Variants in PLEKHG4B observed in about 807,000 individuals in gnomAD.
PLEKHG4B encodes pleckstrin homology and RhoGEF domain containing G4B, also known as pleckstrin homology domain-containing family G member 4B.
In PLEKHG4B, 111 loss-of-function variants were observed where a neutral mutation model predicts 121.3. The observed-to-expected ratio is 0.92, with a 90% CI of 0.78 to 1.07. PLEKHG4B has a LOEUF of 1.07. PLEKHG4B is among the 50% of genes least tolerant of loss of function. The probability of loss-of-function intolerance (pLI) is 0.00; values close to 1 mark genes in which losing one functional copy is unlikely to be tolerated. For missense variants in PLEKHG4B, 1,831 were observed against 1,757.8 expected (o/e 1.04, Z -0.74); for synonymous variants, 738 against 725.0 (o/e 1.02, Z -0.29).
At chr5:130,061 A>AAGAGAGAGAGAGAGAGAGAGAG (rs754535739) in intron 2 of PLEKHG4B, among the ~76,000 whole-genome samples, 3 of 150,354 alleles carry the variant, frequency 2.0e-5, no homozygotes, top group African/African-American at 7.4e-5. Context: ...AGTGAATATG[A>AAGAGAGAGAGAGAGAGAGAGAG]AGAGAGAGTG....
At chr5:96,388 A>C (rs1336444376) in intron 1 of PLEKHG4B, among the ~76,000 whole-genome samples, 1 of 152,260 alleles carries the variant, frequency 6.6e-6, no homozygotes, top group Non-Finnish European at 1.5e-5. Context: ...TCTTAGGGAA[A>C]AATATTCAAT....
chr5:171,115 G>A lies in PLEKHG4B; in HGVS notation c.3802G>A (p.Gly1268Ser), dbSNP rs1736531116. 6.2e-7 allele frequency: 1 copy of A among 1,613,180 alleles called. No individual in the cohort carries two copies. The highest frequency in any genetic ancestry group is 1.7e-5 in the Admixed American group (1 of 59,968). Residue 1268 changes from glycine to serine, a missense_variant, in exon 15 of 20, where the codon GGC becomes AGC. Coordinates refer to ENST00000637938, the MANE Select transcript of PLEKHG4B (RefSeq NM_052909.5). ...GTCGGATGCCCTGCTCAGCAGCCATGGCAACGCCTTCTTCAAGGTCATCCC... is the reference window on the plus strand; with the variant it reads ...GTCGGATGCCCTGCTCAGCAGCCATAGCAACGCCTTCTTCAAGGTCATCCC... ...PQSDALLSSHGNAFFKDKQRE... is the reference protein window; with the variant it reads ...PQSDALLSSHSNAFFKDKQRE...
At chr5:135,235 G>C (rs911636418) in intron 2 of PLEKHG4B, among the ~76,000 whole-genome samples, 7 of 128,710 alleles carry the variant, frequency 5.4e-5, no homozygotes, top group African/African-American at 2.0e-4. Flanking sequence ...GTATTAAAAA[G>C]AATGCAATAC....
chr5:132,352 T>G (rs921500399), intron 2 of PLEKHG4B, among the ~76,000 whole-genome samples: 1 of 152,212 alleles, frequency 6.6e-6, no homozygotes, highest in Non-Finnish European at 1.5e-5. Context: ...GGGTCATCCG[T>G]TTGCTGATTA....
intron 17 of PLEKHG4B, among the ~76,000 whole-genome samples, 181 bp downstream of exon 17, chr5:173,248 A>G (rs1736631009): frequency 6.6e-6 from 1 of 152,144 alleles, no homozygotes; most frequent in Non-Finnish European, 1.5e-5. Context: ...AGCCTTCCAA[A>G]AGCTGCAAGG....
chr5:115,381 G>A (rs941152415), intron 2 of PLEKHG4B, among the ~76,000 whole-genome samples: 2 of 152,204 alleles, frequency 1.3e-5, no homozygotes, highest in Non-Finnish European at 2.9e-5. Flanking sequence ...CAAGTAGACT[G>A]AGCATGATTC....
intron 2 of PLEKHG4B, among the ~76,000 whole-genome samples, chr5:133,621 TA>T (rs1269328057): frequency 6.6e-6 from 1 of 151,218 alleles, no homozygotes; most frequent in Non-Finnish European, 1.5e-5. Flanking sequence ...AATGAAAAAA[TA>T]AAAAAATAAT....
chr5:107,330 C>T (rs1734005960), intron 1 of PLEKHG4B, among the ~76,000 whole-genome samples: 1 of 152,218 alleles, frequency 6.6e-6, no homozygotes, highest in Non-Finnish European at 1.5e-5. Context: ...CTGCTCTCCT[C>T]TGCTCTGGGC....
chr5:158,172 C>G (rs959550751), intron 11 of PLEKHG4B, among the ~76,000 whole-genome samples: 1 of 151,312 alleles, frequency 6.6e-6, no homozygotes, highest in East Asian at 1.9e-4. Flanking sequence ...CCTCCCTCTG[C>G]TCTATCCTGG....
At chr5:115,090 A>C (rs923162549) in intron 2 of PLEKHG4B, among the ~76,000 whole-genome samples, 1 of 152,244 alleles carries the variant, frequency 6.6e-6, no homozygotes. Flanking sequence ...ATAGTCTTAC[A>C]AAATGTATTT....
intron 2 of PLEKHG4B, among the ~76,000 whole-genome samples, chr5:132,946 G>T (rs1292864138): frequency 1.3e-5 from 2 of 152,138 alleles, no homozygotes; most frequent in East Asian, 3.9e-4. Context: ...GTGGTATTTT[G>T]ATGGGAATTG....
In PLEKHG4B at chr5:157,176, C is replaced by A; in HGVS notation, c.2487+265C>A. On this transcript the variant is annotated intron_variant, in intron 11 of 19. Transcript: ENST00000637938. The surrounding 1 kb of genome is among the most constrained non-coding windows in gnomAD (Gnocchi z 4.6). The stretch of plus-strand genomic sequence containing the variant: ...GGGAGAAAAATAATTTCACACTGTG[C>A]CTTCTGATGCTACCAGTGTGAATAG... 2.1e-6 allele frequency: 1 copy of A among 486,362 alleles called. No homozygotes were observed. The highest frequency in any genetic ancestry group is 2.1e-5 in the South Asian group (1 of 48,710). The allele number at this position is 486,362 out of a possible 1,614,324, so 30.1% of individuals were successfully genotyped here. A position where few individuals can be genotyped will look rare whatever the true frequency, so the allele number is the denominator to read the frequency against.
chr5:143,524 G>C, intron 5 of PLEKHG4B, 21 bp downstream of exon 5: 18 of 1,611,594 alleles, frequency 1.1e-5, no homozygotes, highest in Non-Finnish European at 1.5e-5. Context: ...GGGCAAGGCC[G>C]CACCCTGCAG....
chr5:92,654 G>A (rs1459036872), intron 1 of PLEKHG4B, among the ~76,000 whole-genome samples: 2 of 151,610 alleles, frequency 1.3e-5, no homozygotes, highest in Non-Finnish European at 2.9e-5. Flanking sequence ...CCTTTTCCTT[G>A]TAACCTCGTG....
Position 182,050 on chromosome 5 carries a change from C to T in PLEKHG4B, c.4611C>T (p.Ala1537=), listed in dbSNP as rs777828630. The T allele has an allele frequency of 2.7e-5, 43 of 1,614,046 alleles. No individual in the cohort carries two copies. The highest frequency in any genetic ancestry group is 2.1e-4 in the African/African-American group (16 of 74,932). The part of the protein sequence containing the change: ...GSTAVSSSDH[A]APFKRPHSTI... ...CAGCGGTGTCCTCCTCTGACCACGCCGCCCCCTTCAAGCGACCACACTCCA... is the reference window on the plus strand; with the variant it reads ...CAGCGGTGTCCTCCTCTGACCACGCTGCCCCCTTCAAGCGACCACACTCCA... Residue 1537 remains alanine (A), a synonymous_variant, in exon 20 of 20, where the codon GCC becomes GCT. Transcript: ENST00000637938.
rs372964740 is a variant in PLEKHG4B, at chr5:163,256, G to C, written c.3184G>C (p.Glu1062Gln). ...GGAGGACAGCTCTGCCTGTTCCTCT[G>C]AGCCCACCCAGACCCTGGCCAGCCG... is the stretch of plus-strand genomic sequence containing the variant. The part of the protein sequence containing the change: ...HLEDSSACSS[E>Q]PTQTLASRPR... Residue 1062 changes from glutamate (E) to glutamine (Q), a missense_variant, in exon 13 of 20, where the codon GAG becomes CAG. Physicochemically the swap from Glu to Gln is conservative, Grantham distance 29. Transcript: ENST00000637938. 1.9e-6 allele frequency: 3 copies of C among 1,611,946 alleles called. No individual in the cohort carries two copies. The Admixed American group carries it at 5.0e-5, about 27-fold the overall frequency.
chr5:158,770 C>A (rs1283462084), intron 11 of PLEKHG4B, among the ~76,000 whole-genome samples: 1 of 147,780 alleles, frequency 6.8e-6, no homozygotes, highest in African/African-American at 2.7e-5. Flanking sequence ...CTCCCCTCCT[C>A]CCTCTGCTCT....
chr5:146,143 GTCCTCCC>G (rs1250813687), intron 6 of PLEKHG4B, among the ~76,000 whole-genome samples: 1 of 137,716 alleles, frequency 7.3e-6, no homozygotes, highest in African/African-American at 2.8e-5. Context: ...CCAACCTGTG[GTCCTCCC>G]TCCTCTCCCC....
chr5:174,086 CT>C lies in PLEKHG4B; in HGVS notation c.4391del (p.Leu1464GlnfsTer16). 6.5e-7 allele frequency: 1 copy of C among 1,540,658 alleles called. No individual in the cohort carries two copies. Among genetic ancestry groups the C allele is most frequent in the African/African-American group, 1.4e-5 (1 of 71,634 alleles). ...VIGRILWRQA[L>X]KSRELRIQEM... ...AGGGAGGATCCTGTGGCGGCAGGCA[CT>C]AAAGAGCAGAGGTGGGAAGATGGGG... On this transcript the variant is annotated frameshift_variant, in exon 18 of 20. Coordinates refer to ENST00000637938, the MANE Select transcript of PLEKHG4B (RefSeq NM_052909.5). LOFTEE classifies it high-confidence loss of function.
Sources: allele counts gnomAD v4.1 joint callset (sites outside exome capture counted in the v4.1 genomes callset), GRCh38; gene constraint gnomAD v4.1.1; non-coding constraint Gnocchi (gnomAD v3.1); transcripts MANE v1.5; gene names NCBI Gene and HGNC (gene_info 2026-07-23, HGNC 2026-07-21).